SF3B1: variants seen among roughly 807,000 people sequenced by gnomAD.
SF3B1 encodes the protein splicing factor 3b subunit 1.
Under a neutral mutation model 153.8 loss-of-function variants are expected in SF3B1, and 12 were observed. The observed-to-expected ratio is 0.08, with a 90% CI of 0.05 to 0.13. SF3B1 has a LOEUF of 0.13. Among genes scored for constraint, SF3B1 ranks in the 10% least tolerant of loss-of-function variants. The pLI is 1.00. For missense variants in SF3B1, 513 were observed against 1,606.1 expected (o/e 0.32, Z 11.63); for synonymous variants, 498 against 525.2 (o/e 0.95, Z 0.71).
At chr2:197,407,354 C>T (rs1375074695) in intron 9 of SF3B1, among the ~76,000 whole-genome samples, 1 of 152,052 alleles carries the variant, frequency 6.6e-6, no homozygotes. Flanking sequence ...CCTGTAATCC[C>T]AGCACTTTGG....
rs1219127865 is a variant in SF3B1 at position 197,390,388 on chromosome 2, G to C, written c.*1915C>G. On this transcript the variant is annotated 3_prime_UTR_variant, in exon 25 of 25. Coordinates refer to ENST00000335508, the MANE Select transcript of SF3B1 (RefSeq NM_012433.4). Reference sequence around the variant, plus strand: ...GTAATCTATTTGTATTCAATTCTCAGTCATTACTGAAGGTCATTTGACATC... The same window carrying C: ...GTAATCTATTTGTATTCAATTCTCACTCATTACTGAAGGTCATTTGACATC... The C allele has an allele frequency of 2.0e-5, 3 of 152,174 alleles. No homozygotes were observed. Among genetic ancestry groups the C allele is most frequent in the African/African-American group, 7.2e-5 (3 of 41,438 alleles). 9.4% of individuals were successfully genotyped at this position (152,174 alleles called of 1,614,324 possible).
rs1159081969 is a variant in SF3B1, at chr2:197,390,259, T to C, written c.*2044A>G. ...CTCCACAATGCCACTACAAAGCCTA[T>C]TTTCCATAAAGAACCAGAGGCCAAG... On this transcript the variant is annotated 3_prime_UTR_variant, in exon 25 of 25. Coordinates refer to ENST00000335508, the MANE Select transcript of SF3B1 (RefSeq NM_012433.4). 1 of 152,200 alleles carries C rather than the reference T, an allele frequency of 6.6e-6. No individual in the cohort carries two copies. The highest frequency in any genetic ancestry group is 2.4e-5 in the African/African-American group (1 of 41,444). 9.4% of individuals were successfully genotyped at this position (152,200 alleles called of 1,614,324 possible). A position where few individuals can be genotyped will look rare whatever the true frequency, so the allele number is the denominator to read the frequency against.
intron 6 of SF3B1, among the ~76,000 whole-genome samples, chr2:197,411,902 C>A (rs1486124858): frequency 6.6e-6 from 1 of 151,880 alleles, no homozygotes; most frequent in Non-Finnish European, 1.5e-5. Context: ...TTGAGACCAG[C>A]CTGGCCAACA....
intron 1 of SF3B1, among the ~76,000 whole-genome samples, 191 bp from the exon 2 acceptor site, chr2:197,424,165 G>A (rs771292895): frequency 6.6e-6 from 1 of 152,214 alleles, no homozygotes; most frequent in Non-Finnish European, 1.5e-5. Context: ...GATAGGCTGG[G>A]CATGTGGCTC....
At chr2:197,412,493 T>C (rs2085084603) in intron 6 of SF3B1, among the ~76,000 whole-genome samples, 1 of 151,174 alleles carries the variant, frequency 6.6e-6, no homozygotes, top group African/African-American at 2.4e-5. Context: ...GTAGCTGGGA[T>C]TACAGGTGCC....
intron 22 of SF3B1, among the ~76,000 whole-genome samples, 189 bp downstream of exon 22, chr2:197,397,796 C>CAA (rs1419961106): frequency 2.9e-4 from 26 of 90,542 alleles, no homozygotes; most frequent in South Asian, 9.9e-4. Flanking sequence ...GACTCCGTCT[C>CAA]AAAAAAAAAA....
rs1479788593 is a variant in SF3B1, at chr2:197,423,993, G to A, written c.29-19C>T. ...TCAATATCTATAAAAAGATAACACA[G>A]ACTTTCTTAATTTCACTTTCCAAAA... is the stretch of plus-strand genomic sequence containing the variant. On this transcript the variant is annotated intron_variant, in intron 1 of 24. Coordinates refer to ENST00000335508, the MANE Select transcript of SF3B1 (RefSeq NM_012433.4). The A allele has an allele frequency of 6.3e-7, 1 of 1,588,852 alleles. No individual in the cohort carries two copies. The highest frequency in any genetic ancestry group is 8.5e-7 in the Non-Finnish European group (1 of 1,173,016).
At chr2:197,392,846 C>T in intron 24 of SF3B1, 126 bp downstream of exon 24, 1 of 637,204 alleles carries the variant, frequency 1.6e-6, no homozygotes, top group Non-Finnish European at 2.7e-6. Flanking sequence ...TTGATAGGTG[C>T]AGCAAACCAC....
Position 197,402,087 on chromosome 2 carries a change from C to T in SF3B1, c.2121G>A (p.Leu707=), listed in dbSNP as rs755154768. The T allele has an allele frequency of 6.2e-7, 1 of 1,612,090 alleles. No individual in the cohort carries two copies. The highest frequency in any genetic ancestry group is 1.3e-5 in the African/African-American group (1 of 74,810). The stretch of plus-strand genomic sequence containing the variant: ...CTGCTTCAGCCAAGGCAGCAATGGC[C>T]AAAGCACTGATGGTCCGAACTTTCT... ...EQQKVRTISA[L]AIAALAEAAT... The change falls in exon 15 of 25, where the codon TTG becomes TTA. Residue 707 remains leucine (L), a synonymous_variant. Coordinates refer to ENST00000335508, the MANE Select transcript of SF3B1 (RefSeq NM_012433.4). This position sits in a 1 kb window ranked among gnomAD's most constrained non-coding sequence, Gnocchi z 4.6.
rs375133567 is a variant in SF3B1 at position 197,408,409 on chromosome 2, T to A, written c.1077A>T (p.Pro359=). Residue 359 remains proline (P), a synonymous_variant, in exon 8 of 25, where the codon CCA becomes CCT. Coordinates refer to ENST00000335508, the MANE Select transcript of SF3B1 (RefSeq NM_012433.4). ...STPVLTPGKT[P]IGTPAMNMAT... is the part of the protein sequence containing the mutation. The stretch of plus-strand genomic sequence containing the variant: ...CCATGTTCATGGCTGGTGTGCCAAT[T>A]GGTGTCTTTCCAGGGGTCAGAACTG... 21 of 1,614,178 alleles carry A rather than the reference T, an allele frequency of 1.3e-5. No homozygotes were observed. The African/African-American group carries it at 2.7e-4, about 20-fold the overall frequency.
chr2:197,394,730 C>T (rs928412223), intron 23 of SF3B1, among the ~76,000 whole-genome samples: 79 of 152,078 alleles, frequency 5.2e-4, no homozygotes, highest in African/African-American at 1.8e-3. Flanking sequence ...ACGGTGAAAC[C>T]CTATCTTTGC....
Position 197,392,203 on chromosome 2 carries a change from TTCTACACTGA to T in SF3B1, c.*90_*99del. The T allele has an allele frequency of 1.6e-6, 1 of 623,408 alleles. No individual in the cohort carries two copies. Among genetic ancestry groups the T allele is most frequent in the South Asian group, 2.0e-5 (1 of 48,874 alleles). 38.6% of individuals were successfully genotyped at this position (623,408 alleles called of 1,614,324 possible). A position where few individuals can be genotyped will look rare whatever the true frequency, so the allele number is the denominator to read the frequency against. On this transcript the variant is annotated 3_prime_UTR_variant, in exon 25 of 25. Coordinates refer to ENST00000335508, the MANE Select transcript of SF3B1 (RefSeq NM_012433.4). Reference sequence around the variant, plus strand: ...TTTCTAGCTCTTCCTCTATGACCAGTTCTACACTGATCTGCAATGTTTAAAAGTTTACATC... The same window carrying T: ...TTTCTAGCTCTTCCTCTATGACCAGTTCTGCAATGTTTAAAAGTTTACATC...
At position 197,409,766 on chromosome 2, in the gene SF3B1, G is replaced by C; in HGVS notation, c.904+4C>G. ...CCCACACACCCATACTCCACTAGAA[G>C]TACCTCTCTCTGTTTTGGGGGTTTC... On this transcript the variant is annotated splice_donor_region_variant and intron_variant, in intron 7 of 24. Transcript: ENST00000335508. 3 of 1,604,906 alleles carry C rather than the reference G, an allele frequency of 1.9e-6. No homozygotes were observed. The highest frequency in any genetic ancestry group is 2.6e-6 in the Non-Finnish European group (3 of 1,171,634).
intron 6 of SF3B1, among the ~76,000 whole-genome samples, chr2:197,412,499 G>A (rs1467041975): frequency 2.0e-5 from 3 of 151,510 alleles, no homozygotes; most frequent in East Asian, 4.0e-4. Flanking sequence ...GGGATTACAG[G>A]TGCCTGCCAC....
intron 23 of SF3B1, among the ~76,000 whole-genome samples, chr2:197,394,518 T>C (rs928800936): frequency 4.6e-5 from 7 of 152,270 alleles, no homozygotes; most frequent in Admixed American, 2.6e-4. Flanking sequence ...ACTGAATTTA[T>C]GTTCATGAAA....
intron 1 of SF3B1, among the ~76,000 whole-genome samples, chr2:197,430,357 G>A (rs1369524944): frequency 6.6e-6 from 1 of 152,200 alleles, no homozygotes; most frequent in East Asian, 1.9e-4. Flanking sequence ...GAGTAGAAGT[G>A]ACCAGTGTAC....
chr2:197,406,080 AT>A (rs780463363), intron 9 of SF3B1, among the ~76,000 whole-genome samples: 3,034 of 139,802 alleles, frequency 0.022, 79 homozygotes, highest in African/African-American at 0.066. Flanking sequence ...TCACAAAGAA[AT>A]TTTTTTTTTT....
At chr2:197,394,035 TTAG>T (rs1225469443) in intron 23 of SF3B1, among the ~76,000 whole-genome samples, 12 of 151,864 alleles carry the variant, frequency 7.9e-5, no homozygotes, top group African/African-American at 2.9e-4. Context: ...CATACAAAAA[TTAG>T]TAGGGCATTT....
In SF3B1 at chr2:197,396,036, AT is replaced by A; in HGVS notation, c.3539+19del. 1 of 1,575,766 alleles carries A rather than the reference AT, an allele frequency of 6.3e-7. No homozygotes were observed. The highest frequency in any genetic ancestry group is 8.7e-7 in the Non-Finnish European group (1 of 1,152,150). ...GGAAGAGTTATAATTATTTTCTTGT[AT>A]TTAGTTCAAGTCACTTACCTATCCA... On this transcript the variant is annotated intron_variant, in intron 23 of 24. Transcript: ENST00000335508.
Sources: gnomAD v4.1 joint callset for allele counts (sites outside exome capture counted in the v4.1 genomes callset) on GRCh38, gnomAD v4.1.1 for gene constraint, Gnocchi (gnomAD v3.1) non-coding constraint, MANE v1.5 for transcripts, NCBI Gene and HGNC (gene_info 2026-07-23, HGNC 2026-07-21) for gene names.